RHPN2: variants seen among roughly 807,000 people sequenced by gnomAD.
The protein encoded by RHPN2 is rhophilin-2.
In RHPN2, 40 loss-of-function variants were observed where a neutral mutation model predicts 79.0. The ratio of observed to expected loss-of-function variants is 0.51; its 90% CI spans 0.39 to 0.66. RHPN2 has a LOEUF of 0.66. RHPN2 is among the 30% of genes least tolerant of loss of function. The pLI is 0.00. For missense variants in RHPN2, 686 were observed against 883.5 expected (o/e 0.78, Z 2.83); for synonymous variants, 285 against 363.5 (o/e 0.78, Z 2.46).
At chr19:32,988,274 A>C (rs1448656337) in intron 14 of RHPN2, among the ~76,000 whole-genome samples, 1 of 152,082 alleles carries the variant, frequency 6.6e-6, no homozygotes, top group Non-Finnish European at 1.5e-5. Context: ...AGGTAGAAAA[A>C]TAACCACTAC....
At chr19:32,982,612 C>T (rs1050456907) in intron 14 of RHPN2, among the ~76,000 whole-genome samples, 13 of 151,976 alleles carry the variant, frequency 8.6e-5, no homozygotes, top group African/African-American at 3.1e-4. Flanking sequence ...ATCCTGGAGA[C>T]AGATGTGAGG....
At chr19:33,048,638 A>T (rs1371447211) in intron 1 of RHPN2, among the ~76,000 whole-genome samples, 1 of 145,924 alleles carries the variant, frequency 6.9e-6, no homozygotes, top group Non-Finnish European at 1.5e-5. Context: ...AGGCAGGAGA[A>T]TCACTTGAAC....
At chr19:32,987,097 C>T (rs1166947280) in intron 14 of RHPN2, among the ~76,000 whole-genome samples, 3 of 151,728 alleles carry the variant, frequency 2.0e-5, no homozygotes, top group African/African-American at 7.3e-5. Context: ...AGGCTGGTCT[C>T]GAACTCCTGG....
intron 1 of RHPN2, among the ~76,000 whole-genome samples, chr19:33,060,662 A>T (rs1972272269): frequency 6.6e-6 from 1 of 152,144 alleles, no homozygotes; most frequent in Non-Finnish European, 1.5e-5. Context: ...CCTCCTGAGT[A>T]TATGGGATTA....
chr19:33,020,708 C>T (rs533645714), intron 4 of RHPN2, among the ~76,000 whole-genome samples: 2 of 152,256 alleles, frequency 1.3e-5, no homozygotes, highest in South Asian at 4.1e-4. Context: ...ACCATTTTAG[C>T]CAGGCTGGTC....
intron 2 of RHPN2, among the ~76,000 whole-genome samples, chr19:33,036,187 T>A (rs1018423438): frequency 7.6e-5 from 10 of 131,504 alleles, no homozygotes; most frequent in African/African-American, 3.1e-4. Flanking sequence ...AGAAAATTAA[T>A]TTTTTTTTTT....
chr19:33,037,770 C>T (rs1035253876), intron 2 of RHPN2, among the ~76,000 whole-genome samples: 2 of 152,178 alleles, frequency 1.3e-5, no homozygotes, highest in East Asian at 1.9e-4. Flanking sequence ...ACTCCAGACA[C>T]GCTGCATTTA....
In RHPN2 at chr19:33,000,762, C is replaced by G. The variant is rs751234398; in HGVS notation, c.1106-1057G>C. ...CTCTGTTCTGTGCTCAGACACTTTA[C>G]TCCCTCTAGGCTGACCCTTCCCTCC... On this transcript the variant is annotated intron_variant, in intron 9 of 14. Coordinates refer to ENST00000254260, the MANE Select transcript of RHPN2 (RefSeq NM_033103.5). Among the ~76,000 whole-genome samples, 158 of 152,300 alleles carry G rather than the reference C, an allele frequency of 1.0e-3. 1 individual carries two copies. Among genetic ancestry groups the G allele is most frequent in the Middle Eastern group, 3.4e-3 (1 of 294 alleles).
At chr19:33,010,046 T>C (rs987419377) in intron 6 of RHPN2, among the ~76,000 whole-genome samples, 13 of 152,140 alleles carry the variant, frequency 8.5e-5, no homozygotes, top group African/African-American at 3.1e-4. Context: ...CCCAAAATGC[T>C]AGGATTACAG....
At chr19:33,025,514 A>C (rs1057135140) in intron 3 of RHPN2, among the ~76,000 whole-genome samples, 6 of 151,570 alleles carry the variant, frequency 4.0e-5, no homozygotes, top group Non-Finnish European at 5.9e-5. Flanking sequence ...CCTTAAAAGG[A>C]GACTGGTGTG....
intron 4 of RHPN2, among the ~76,000 whole-genome samples, chr19:33,017,422 CAAATT>C (rs1568317170): frequency 6.6e-6 from 1 of 151,930 alleles, no homozygotes. Flanking sequence ...AAGCAACAGA[CAAATT>C]AAATCGTAAA....
chr19:33,008,071 C>G lies in RHPN2; in HGVS notation c.703G>C (p.Asp235His). The change falls in exon 7 of 15, where the codon GAT becomes CAT. Residue 235 changes from aspartate (D) to histidine (H), a missense_variant. Coordinates refer to ENST00000254260, the MANE Select transcript of RHPN2 (RefSeq NM_033103.5). ...TCCAGCCCAGCCTGCGTCTGCCGAT[C>G]ACACCGGGTCCCAATCTGGGTGTAG... Reference protein sequence around the residue: ...ALYTQIGTRCDRQTQAGLESA... With the variant: ...ALYTQIGTRCHRQTQAGLESA... The G allele has an allele frequency of 1.9e-6, 3 of 1,613,636 alleles. No homozygotes were observed. The highest frequency in any genetic ancestry group is 2.5e-6 in the Non-Finnish European group (3 of 1,179,968).
At chr19:32,994,252 C>T (rs1226502321) in intron 11 of RHPN2, among the ~76,000 whole-genome samples, 199 bp from the exon 12 acceptor site, 1 of 151,920 alleles carries the variant, frequency 6.6e-6, no homozygotes, top group East Asian at 1.9e-4. Context: ...AAAAATTAGC[C>T]AGGTATGGTG....
intron 2 of RHPN2, among the ~76,000 whole-genome samples, chr19:33,041,402 C>T (rs942022768): frequency 2.0e-5 from 3 of 152,168 alleles, no homozygotes; most frequent in Non-Finnish European, 2.9e-5. Flanking sequence ...TTCGGGAAAC[C>T]GTTGGTGCTT....
At chr19:33,002,436 C>A (rs770523415) in intron 8 of RHPN2, 33 bp from the exon 9 acceptor site, 13 of 1,613,254 alleles carry the variant, frequency 8.1e-6, no homozygotes, top group Non-Finnish European at 1.1e-5. Flanking sequence ...AAGGGGCAGC[C>A]CGGCACAAGG....
intron 6 of RHPN2, among the ~76,000 whole-genome samples, chr19:33,009,097 A>G (rs1357358660): frequency 3.4e-5 from 5 of 147,738 alleles, no homozygotes; most frequent in Non-Finnish European, 6.0e-5. Flanking sequence ...AGGGGTTGCC[A>G]GGACTTAGGG....
chr19:33,044,166 G>A (rs1972123262), intron 2 of RHPN2, 83 bp downstream of exon 2: 2 of 1,063,434 alleles, frequency 1.9e-6, no homozygotes, highest in Non-Finnish European at 2.9e-6. Context: ...GAAACCCAAA[G>A]CTGAAACCAA....
At chr19:33,036,601 C>G (rs1467877607) in intron 2 of RHPN2, among the ~76,000 whole-genome samples, 1 of 152,200 alleles carries the variant, frequency 6.6e-6, no homozygotes, top group African/African-American at 2.4e-5. Flanking sequence ...CTGGCCAAGG[C>G]CCGAGCCGGC....
At chr19:33,029,179 A>G (rs1971990324) in intron 2 of RHPN2, among the ~76,000 whole-genome samples, 2 of 151,760 alleles carry the variant, frequency 1.3e-5, no homozygotes, top group Admixed American at 6.6e-5. Context: ...AAGAAGCCAT[A>G]GTCATCAAGA....
Sources: gnomAD v4.1 joint callset for allele counts (sites outside exome capture counted in the v4.1 genomes callset) on GRCh38, gnomAD v4.1.1 for gene constraint, MANE v1.5 for transcripts, NCBI Gene and HGNC (gene_info 2026-07-23, HGNC 2026-07-21) for gene names.